Variants in TCF4 observed in about 807,000 individuals in gnomAD.
The protein encoded by TCF4 is transcription factor 4.
Under a neutral mutation model 82.1 loss-of-function variants are expected in TCF4, and 3 were observed. The ratio of observed to expected loss-of-function variants is 0.04; its 90% confidence interval spans 0.02 to 0.09. The LOEUF (loss-of-function observed/expected upper bound fraction) is 0.09. TCF4 is among the 10% of genes least tolerant of loss of function. TCF4 has a pLI of 1.00. For synonymous variants in TCF4, 276 were observed against 309.6 expected (o/e 0.89, Z 1.14); for missense variants, 518 against 852.7 (o/e 0.61, Z 4.89).
At chr18:55,522,236 T>C (rs939611653) in intron 3 of TCF4, among the ~76,000 whole-genome samples, 1 of 152,198 alleles carries the variant, frequency 6.6e-6, no homozygotes, top group Non-Finnish European at 1.5e-5. Context: ...GAGACCAGCA[T>C]ACCTCTTTAC....
chr18:55,264,923 G>C (rs1368777968), intron 11 of TCF4: 1 of 152,146 alleles, frequency 6.6e-6, no homozygotes, highest in Non-Finnish European at 1.5e-5. Context: ...AGGAGGCTTC[G>C]ACACTGCCTG....
intron 8 of TCF4, chr18:55,322,424 A>C: frequency 3.3e-6 from 3 of 903,698 alleles, no homozygotes; most frequent in Non-Finnish European, 3.9e-6. Context: ...AGGGGAGGGA[A>C]GAAAAAAAAA....
rs905653262 is a variant in TCF4 at position 55,392,170 on chromosome 18, C to T, written c.369+11284G>A. Among the ~76,000 whole-genome samples the T allele has an allele frequency of 2.1e-4, 31 of 150,780 alleles. 1 individual carries two copies. The highest frequency in any genetic ancestry group is 4.3e-4 in the Non-Finnish European group (29 of 67,698). On this transcript the variant is annotated intron_variant, in intron 6 of 19. Transcript: ENST00000354452. Reference sequence around the variant, plus strand: ...AGTAGAGATGGCATTTCGCCATGTTCGTCAGGCTGGTCTCGAACTCCTGTC... The same window carrying T: ...AGTAGAGATGGCATTTCGCCATGTTTGTCAGGCTGGTCTCGAACTCCTGTC...
At chr18:55,277,986 G>A (rs1022105876) in intron 9 of TCF4, among the ~76,000 whole-genome samples, 2 of 152,080 alleles carry the variant, frequency 1.3e-5, no homozygotes, top group African/African-American at 4.8e-5. Context: ...GTCCCTTTGA[G>A]TTACACCTAG....
At chr18:55,607,794 T>A (rs1352331132) in intron 2 of TCF4, among the ~76,000 whole-genome samples, 2 of 152,214 alleles carry the variant, frequency 1.3e-5, no homozygotes. Context: ...ATTTAAGGAA[T>A]GAATTCAAGG....
At chr18:55,371,001 C>T (rs2088976935) in intron 6 of TCF4, among the ~76,000 whole-genome samples, 1 of 152,192 alleles carries the variant, frequency 6.6e-6, no homozygotes, top group Non-Finnish European at 1.5e-5. Flanking sequence ...TGAATTGAGA[C>T]ATTTCAAGTG....
chr18:55,407,003 G>A (rs1387574191), intron 5 of TCF4, among the ~76,000 whole-genome samples: 1 of 151,756 alleles, frequency 6.6e-6, no homozygotes, highest in Non-Finnish European at 1.5e-5. Context: ...ACTGCATGGA[G>A]TACTGTTGTC....
chr18:55,573,477 C>T (rs571846505), intron 3 of TCF4, among the ~76,000 whole-genome samples: 1 of 152,308 alleles, frequency 6.6e-6, no homozygotes, highest in Non-Finnish European at 1.5e-5. Context: ...GGGCCACCCA[C>T]AGTGACTCCC....
At chr18:55,276,073 G>A (rs539106135) in intron 9 of TCF4, among the ~76,000 whole-genome samples, 3 of 152,200 alleles carry the variant, frequency 2.0e-5, no homozygotes, top group African/African-American at 7.2e-5. Context: ...TCTTCTAACT[G>A]TTTTTTCTAT....
chr18:55,489,242 A>G (rs2096550172), intron 3 of TCF4, among the ~76,000 whole-genome samples: 1 of 152,168 alleles, frequency 6.6e-6, no homozygotes, highest in Non-Finnish European at 1.5e-5. Flanking sequence ...GGTAGCTCCA[A>G]GAGATACTGA....
intron 10 of TCF4, among the ~76,000 whole-genome samples, chr18:55,270,500 A>T: frequency 6.6e-6 from 1 of 152,290 alleles, no homozygotes; most frequent in Non-Finnish European, 1.5e-5. Flanking sequence ...TAAAAAATTT[A>T]AAAAGCACTA....
At chr18:55,384,449 G>A (rs1474508934) in intron 6 of TCF4, among the ~76,000 whole-genome samples, 1 of 152,202 alleles carries the variant, frequency 6.6e-6, no homozygotes, top group African/African-American at 2.4e-5. Context: ...AGTGTCATCA[G>A]TACTGTGAGA....
At chr18:55,325,123 G>A (rs999555270) in intron 8 of TCF4, among the ~76,000 whole-genome samples, 5 of 152,122 alleles carry the variant, frequency 3.3e-5, no homozygotes, top group Non-Finnish European at 5.9e-5. Context: ...ATGAATAACT[G>A]CATTAAAGAA....
chr18:55,335,689 G>A (rs917027171), intron 8 of TCF4, among the ~76,000 whole-genome samples: 5 of 151,968 alleles, frequency 3.3e-5, no homozygotes, highest in Non-Finnish European at 4.4e-5. Flanking sequence ...CTATGCCTTA[G>A]TTTCCCTCTC....
intron 8 of TCF4, among the ~76,000 whole-genome samples, chr18:55,306,669 C>T (rs1198865893): frequency 2.0e-5 from 3 of 152,174 alleles, no homozygotes; most frequent in Admixed American, 6.5e-5. Context: ...CCAGGAACTC[C>T]GTTTTCAAGG....
chr18:55,228,136 ATT>A, intron 19 of TCF4, 83 bp downstream of exon 19: 1 of 1,554,568 alleles, frequency 6.4e-7, no homozygotes, highest in South Asian at 1.1e-5. Flanking sequence ...ATATCTGTCA[ATT>A]TGGGTGAAAT....
intron 5 of TCF4, among the ~76,000 whole-genome samples, chr18:55,413,864 G>A (rs2094439995): frequency 6.6e-6 from 1 of 152,216 alleles, no homozygotes; most frequent in Non-Finnish European, 1.5e-5. Flanking sequence ...ATTATCATCT[G>A]AATAGTGGTG....
chr18:55,572,939 A>G (rs2097488677), intron 3 of TCF4, among the ~76,000 whole-genome samples: 1 of 151,926 alleles, frequency 6.6e-6, no homozygotes, highest in African/African-American at 2.4e-5. Flanking sequence ...TGTAATTTCA[A>G]CTACTGGGGA....
rs1428294118 is a variant in TCF4, at chr18:55,426,153, C to A, written c.305-22635G>T. ...CACACACATATATTTTCATACGTGT[C>A]TTTTATTGGTAGGCTACCTAAAAAC... is the stretch of plus-strand genomic sequence containing the variant. On this transcript the variant is annotated intron_variant, in intron 5 of 19. Coordinates refer to ENST00000354452, the MANE Select transcript of TCF4 (RefSeq NM_001083962.2). Among the ~76,000 whole-genome samples the A allele has an allele frequency of 2.0e-5, 3 of 147,740 alleles. No individual in the cohort carries two copies. In the East Asian group the frequency reaches 5.8e-4, roughly 29 times the overall value.
Sources: allele counts gnomAD v4.1 joint callset (sites outside exome capture counted in the v4.1 genomes callset), GRCh38; gene constraint gnomAD v4.1.1; transcripts MANE v1.5; gene names NCBI Gene and HGNC (gene_info 2026-07-23, HGNC 2026-07-21).